MAP4K3: variants seen among roughly 807,000 people sequenced by gnomAD.
The protein encoded by MAP4K3 is mitogen-activated protein kinase kinase kinase kinase 3, also known as MAPK/ERK kinase kinase kinase 3.
In MAP4K3, 94 loss-of-function variants were observed where a neutral mutation model predicts 143.5. The ratio of observed to expected loss-of-function variants is 0.65; its 90% CI spans 0.55 to 0.78. The LOEUF is 0.78. Among genes scored for constraint, MAP4K3 ranks in the 30% least tolerant of loss-of-function variants. The probability of loss-of-function intolerance (pLI) is 0.00; values close to 1 mark genes in which losing one functional copy is unlikely to be tolerated. For synonymous variants in MAP4K3, 416 were observed against 347.2 expected, an observed-to-expected ratio of 1.20 and a Z score of -2.20; for missense variants, 1,077 against 1,068.1, an observed-to-expected ratio of 1.01 and a Z score of -0.12.
intron 16 of MAP4K3, among the ~76,000 whole-genome samples, chr2:39,295,116 A>T (rs894992000): frequency 6.6e-6 from 1 of 151,790 alleles, no homozygotes; most frequent in South Asian, 2.1e-4. Context: ...TTTTTTTCAT[A>T]AAAAAATGTT....
intron 18 of MAP4K3, 34 bp from the exon 19 acceptor site, chr2:39,290,368 C>A: frequency 6.9e-7 from 1 of 1,441,256 alleles, no homozygotes; most frequent in South Asian, 1.2e-5. Flanking sequence ...CAGAACTATT[C>A]ATTTTACAAA....
intron 11 of MAP4K3, 23 bp from the exon 12 acceptor site, chr2:39,325,651 A>G (rs189426144): frequency 6.3e-7 from 1 of 1,583,318 alleles, no homozygotes; most frequent in Non-Finnish European, 8.7e-7. Flanking sequence ...AATACAATGC[A>G]GAACACTTAC....
chr2:39,300,451 T>A (rs964614863), intron 15 of MAP4K3, among the ~76,000 whole-genome samples: 1 of 152,216 alleles, frequency 6.6e-6, no homozygotes, highest in Non-Finnish European at 1.5e-5. Flanking sequence ...AATTAACATT[T>A]AAAAGGATGA....
chr2:39,298,977 A>AG (rs1682398325), intron 16 of MAP4K3, among the ~76,000 whole-genome samples: 2 of 151,808 alleles, frequency 1.3e-5, no homozygotes, highest in African/African-American at 4.8e-5. Context: ...AAAAAAAAAA[A>AG]AAAAAGGAAT....
At chr2:39,433,617 T>C (rs1427764901) in intron 1 of MAP4K3, among the ~76,000 whole-genome samples, 3 of 152,172 alleles carry the variant, frequency 2.0e-5, no homozygotes, top group African/African-American at 7.2e-5. Flanking sequence ...ATGAATGCTA[T>C]AACCCATCTC....
chr2:39,348,992 T>G (rs960834103), intron 3 of MAP4K3, among the ~76,000 whole-genome samples: 1 of 152,186 alleles, frequency 6.6e-6, no homozygotes, highest in Admixed American at 6.5e-5. Context: ...TGACCAAGAC[T>G]ACTGAGGATC....
chr2:39,434,646 G>T (rs1368311201), intron 1 of MAP4K3, among the ~76,000 whole-genome samples: 1 of 152,212 alleles, frequency 6.6e-6, no homozygotes. Flanking sequence ...TCTTTAGAGA[G>T]GCAGCACTGC....
At chr2:39,346,212 G>C (rs1460530604) in intron 3 of MAP4K3, among the ~76,000 whole-genome samples, 1 of 152,036 alleles carries the variant, frequency 6.6e-6, no homozygotes, top group Non-Finnish European at 1.5e-5. Flanking sequence ...TCCTTTATTT[G>C]ATCACTGTAT....
intron 23 of MAP4K3, 41 bp downstream of exon 23, chr2:39,280,230 TA>T: frequency 1.7e-6 from 2 of 1,198,348 alleles, no homozygotes; most frequent in Non-Finnish European, 1.1e-6. Flanking sequence ...GCCCCAGTTT[TA>T]AAAAATTAGG....
chr2:39,285,288 G>C (rs912186643), intron 21 of MAP4K3, among the ~76,000 whole-genome samples: 2 of 152,062 alleles, frequency 1.3e-5, no homozygotes, highest in African/African-American at 4.8e-5. Context: ...CAGAATTACT[G>C]AAACAGTTCC....
intron 24 of MAP4K3, among the ~76,000 whole-genome samples, chr2:39,272,848 C>T (rs1486077055): frequency 6.6e-6 from 1 of 152,132 alleles, no homozygotes; most frequent in African/African-American, 2.4e-5. Flanking sequence ...TTTCAAACAA[C>T]ATCTATTCCT....
intron 15 of MAP4K3, among the ~76,000 whole-genome samples, chr2:39,302,809 A>G (rs1682559825): frequency 6.6e-6 from 1 of 152,262 alleles, no homozygotes; most frequent in Non-Finnish European, 1.5e-5. Flanking sequence ...GCAATAACCT[A>G]GTATAGATTA....
intron 26 of MAP4K3, among the ~76,000 whole-genome samples, chr2:39,271,273 A>G (rs1681006872): frequency 6.6e-6 from 1 of 152,228 alleles, no homozygotes; most frequent in African/African-American, 2.4e-5. Flanking sequence ...GGGACATTTC[A>G]TACACATTTG....
At chr2:39,303,752 G>A (rs1299739767) in intron 15 of MAP4K3, among the ~76,000 whole-genome samples, 1 of 152,154 alleles carries the variant, frequency 6.6e-6, no homozygotes, top group Non-Finnish European at 1.5e-5. Flanking sequence ...GGCCAGGCTG[G>A]TCTCGAACTC....
At chr2:39,313,759 C>T (rs575901969) in intron 13 of MAP4K3, among the ~76,000 whole-genome samples, 61 of 152,106 alleles carry the variant, frequency 4.0e-4, no homozygotes, top group Non-Finnish European at 7.1e-4. Flanking sequence ...GTGATCCACC[C>T]GCCTCGGCCT....
At chr2:39,342,826 T>C (rs1408604148) in intron 4 of MAP4K3, among the ~76,000 whole-genome samples, 2 of 152,098 alleles carry the variant, frequency 1.3e-5, no homozygotes, top group African/African-American at 2.4e-5. Context: ...TTTACATTAA[T>C]CAAAAGCCTA....
At chr2:39,309,623 T>C (rs1434183876) in intron 13 of MAP4K3, 104 bp from the exon 14 acceptor site, 1 of 602,046 alleles carries the variant, frequency 1.7e-6, no homozygotes, top group Non-Finnish European at 2.6e-6. Context: ...AGTGGCGCAA[T>C]CTCAGCTCAC....
At position 39,437,247 on chromosome 2, in the gene MAP4K3, G is replaced by A. The variant is rs574953163; in HGVS notation, c.-260C>T. 1.1e-5 allele frequency: 3 copies of A among 277,122 alleles called. No homozygotes were observed. Among genetic ancestry groups the A allele is most frequent in the Non-Finnish European group, 2.0e-5 (3 of 149,128 alleles). 17.2% of individuals were successfully genotyped at this position (277,122 alleles called of 1,614,324 possible). On this transcript the variant is annotated 5_prime_UTR_variant, in exon 1 of 34. Coordinates refer to ENST00000263881, the MANE Select transcript of MAP4K3 (RefSeq NM_003618.4). ...CACCCACAAGGAGAGGAGAACCCTCGCAGCCCCTCGCTCGGGGTGAAACTC... is the reference window on the plus strand; with the variant it reads ...CACCCACAAGGAGAGGAGAACCCTCACAGCCCCTCGCTCGGGGTGAAACTC...
At chr2:39,272,026 G>A in intron 26 of MAP4K3, 1 of 301,262 alleles carries the variant, frequency 3.3e-6, no homozygotes, top group East Asian at 6.0e-5. Flanking sequence ...CAAAGTACAA[G>A]AAAAAAACTA....
Sources: allele counts gnomAD v4.1 joint callset (sites outside exome capture counted in the v4.1 genomes callset), GRCh38; gene constraint gnomAD v4.1.1; transcripts MANE v1.5; gene names NCBI Gene and HGNC (gene_info 2026-07-23, HGNC 2026-07-21).